CIB1: variants seen among roughly 807,000 people sequenced by gnomAD.
The protein encoded by CIB1 is calcium and integrin-binding protein 1.
In CIB1, 19 loss-of-function variants were observed where a neutral mutation model predicts 25.0. That is an observed-to-expected ratio of 0.76 (90% CI 0.53 to 1.12). CIB1 has a LOEUF of 1.12. Ranked by LOEUF, CIB1 falls within the 50% of genes most tolerant of loss-of-function variation. CIB1 has a pLI of 0.00. For synonymous variants in CIB1, 104 were observed against 98.5 expected (o/e 1.06, Z -0.33); for missense variants, 236 against 242.6 (o/e 0.97, Z 0.18).
At chr15:90,241,177 G>A in the CIB1 span, 134 of 1,614,100 alleles carry the variant, frequency 8.3e-5, no homozygotes, top group Non-Finnish European at 1.1e-4. Context: ...ATCCTCCCTG[G>A]TGCTGTGGGT....
the CIB1 span, chr15:90,258,768 C>T: frequency 8.5e-5 from 137 of 1,614,170 alleles, no homozygotes; most frequent in Admixed American, 1.2e-4. Context: ...AGCTTTACCA[C>T]GGACTCATGC....
At chr15:90,241,821 G>A in the CIB1 span, 2 of 1,614,220 alleles carry the variant, frequency 1.2e-6, no homozygotes, top group African/African-American at 1.3e-5. Context: ...ACCTTCCTCA[G>A]CCCTCACAGG....
At chr15:90,256,068 G>C in the CIB1 span, 8 of 1,576,598 alleles carry the variant, frequency 5.1e-6, no homozygotes, top group Non-Finnish European at 6.9e-6. Context: ...CTAGATAGCA[G>C]GAAGAGCTCC....
chr15:90,256,613 CCT>C, the CIB1 span, among the ~76,000 whole-genome samples: 10 of 48,234 alleles, frequency 2.1e-4, no homozygotes, highest in African/African-American at 1.1e-3. Flanking sequence ...TTCTTTCCTT[CCT>C]TCCTTCCTTC....
At chr15:90,258,361 C>A in the CIB1 span, 1 of 1,099,750 alleles carries the variant, frequency 9.1e-7, no homozygotes, top group South Asian at 1.3e-5. Flanking sequence ...GGTGGTGGAA[C>A]ACAGAATGGG....
At chr15:90,257,162 T>C in the CIB1 span, 1 of 1,613,708 alleles carries the variant, frequency 6.2e-7, no homozygotes, top group Non-Finnish European at 8.5e-7. Context: ...TGGCTTCAAG[T>C]TTGATATGCG....
chr15:90,242,214 A>G, the CIB1 span: 8 of 422,094 alleles, frequency 1.9e-5, no homozygotes, highest in Non-Finnish European at 3.0e-5. Context: ...CAGCCTCTTG[A>G]GTAGCTGAGA....
At chr15:90,230,689 GCTT>G (rs1322015216) in intron 6 of CIB1, among the ~76,000 whole-genome samples, 184 bp from the exon 7 acceptor site, 1 of 151,982 alleles carries the variant, frequency 6.6e-6, no homozygotes, top group African/African-American at 2.4e-5. Context: ...CTGGGTCAGA[GCTT>G]CTAAACCTTT....
At chr15:90,252,801 G>C in the CIB1 span, among the ~76,000 whole-genome samples, 3 of 152,048 alleles carry the variant, frequency 2.0e-5, no homozygotes, top group Non-Finnish European at 2.9e-5. Flanking sequence ...TCAGGAGTTC[G>C]AGACCAGACT....
chr15:90,237,284 T>TC (rs1491257297), upstream of CIB1, among the ~76,000 whole-genome samples: 1 of 12,188 alleles, frequency 8.2e-5, no homozygotes, highest in Non-Finnish European at 1.3e-4. Flanking sequence ...TTTTTTTCCC[T>TC]TTTTTTTTTT....
At chr15:90,262,958 C>T in the CIB1 span, 1 of 1,534,966 alleles carries the variant, frequency 6.5e-7, no homozygotes, top group South Asian at 1.2e-5. Context: ...CTCTCATGTA[C>T]CTTGTAGCTG....
the CIB1 span, chr15:90,265,264 G>A: frequency 7.9e-7 from 1 of 1,261,408 alleles, no homozygotes; most frequent in South Asian, 1.8e-5. Flanking sequence ...AACCCTAGGT[G>A]CGGCCCGGGG....
At chr15:90,262,688 C>G in the CIB1 span, 1 of 1,459,230 alleles carries the variant, frequency 6.9e-7, no homozygotes, top group Non-Finnish European at 9.0e-7. Context: ...GGTTTTGTAG[C>G]TCTTATCTTT....
chr15:90,236,829 G>A (rs1962645846), upstream of CIB1, among the ~76,000 whole-genome samples: 1 of 151,954 alleles, frequency 6.6e-6, no homozygotes, highest in Non-Finnish European at 1.5e-5. Context: ...GCCTCTCATG[G>A]TAGATTATTA....
chr15:90,252,565 A>G, the CIB1 span, among the ~76,000 whole-genome samples: 2 of 152,198 alleles, frequency 1.3e-5, no homozygotes, highest in Non-Finnish European at 2.9e-5. Context: ...TTAAGAAAAA[A>G]AACAATCTCC....
the CIB1 span, chr15:90,265,330 G>A: frequency 3.3e-6 from 4 of 1,219,890 alleles, no homozygotes; most frequent in Non-Finnish European, 4.1e-6. Flanking sequence ...GAGTGCCCAA[G>A]GCACTGGGCT....
the CIB1 span, chr15:90,264,189 T>C: frequency 1.6e-6 from 1 of 634,772 alleles, no homozygotes; most frequent in South Asian, 2.0e-5. Context: ...AGGGTACCCA[T>C]TTATTTACTC....
At chr15:90,256,012 CAAAGA>C in the CIB1 span, 6 of 1,560,830 alleles carry the variant, frequency 3.8e-6, no homozygotes, top group Non-Finnish European at 5.2e-6. Context: ...TTCAGCTGGT[CAAAGA>C]AAAGAGGGTC....
chr15:90,256,391 C>A, the CIB1 span: 1 of 1,491,684 alleles, frequency 6.7e-7, no homozygotes, highest in Non-Finnish European at 9.2e-7. Context: ...TGGTCTTAGG[C>A]TTCTACCCTT....
Sources: gnomAD v4.1 joint callset for allele counts (sites outside exome capture counted in the v4.1 genomes callset) on GRCh38, gnomAD v4.1.1 for gene constraint, MANE v1.5 for transcripts, NCBI Gene and HGNC (gene_info 2026-07-23, HGNC 2026-07-21) for gene names.